NRXN3: variants seen among roughly 807,000 people sequenced by gnomAD.
NRXN3 encodes the protein neurexin 3.
Under a neutral mutation model 137.6 loss-of-function variants are expected in NRXN3, and 32 were observed. The ratio of observed to expected loss-of-function variants is 0.23; its 90% CI spans 0.18 to 0.31. The LOEUF (loss-of-function observed/expected upper bound fraction) is 0.31, where lower values mean the gene tolerates loss of function less well. Ranked by LOEUF, NRXN3 falls within the 10% of genes least tolerant of loss-of-function variation. The probability of loss-of-function intolerance (pLI) is 1.00; values close to 1 mark genes in which losing one functional copy is unlikely to be tolerated. For missense variants in NRXN3, 1,574 were observed against 2,062.5 expected (o/e 0.76, Z 4.59); for synonymous variants, 798 against 784.5 (o/e 1.02, Z -0.29).
intron 4 of NRXN3, among the ~76,000 whole-genome samples, chr14:78,594,239 G>T (rs1361527024): frequency 6.6e-6 from 1 of 152,218 alleles, no homozygotes; most frequent in African/African-American, 2.4e-5. Flanking sequence ...CGGCAAGCCT[G>T]AGTCTCCTGC....
intron 3 of NRXN3, among the ~76,000 whole-genome samples, chr14:78,280,812 C>A (rs2074306526): frequency 6.6e-6 from 1 of 152,196 alleles, no homozygotes; most frequent in South Asian, 2.1e-4. Context: ...CTGAGGAATA[C>A]CCTTCCTCAG....
At chr14:79,600,166 C>G (rs1351945300) in intron 16 of NRXN3, among the ~76,000 whole-genome samples, 1 of 152,182 alleles carries the variant, frequency 6.6e-6, no homozygotes, top group Non-Finnish European at 1.5e-5. Flanking sequence ...AGGCATCTGG[C>G]TCCAGGGTTC....
rs932691810 is a variant in NRXN3 at position 79,345,102 on chromosome 14, T to C, written c.3263-122119T>C. On this transcript the variant is annotated intron_variant, in intron 15 of 20. Coordinates refer to ENST00000335750, the MANE Select transcript of NRXN3 (RefSeq NM_001330195.2). ...GTTTAACTGCATTTTTTGTTTGTTT[T>C]ATTAAATTCTTTTTTTGGGTATTTG... 4.6e-5 allele frequency among the ~76,000 whole-genome samples: 7 copies of C among 152,170 alleles called. No individual in the cohort carries two copies. In the East Asian group the frequency reaches 9.6e-4, roughly 21 times the overall value.
chr14:79,131,173 C>G (rs2057409809), intron 15 of NRXN3, among the ~76,000 whole-genome samples: 1 of 152,220 alleles, frequency 6.6e-6, no homozygotes, highest in South Asian at 2.1e-4. Flanking sequence ...CTTCTTCTCT[C>G]AGCTCATCAA....
At chr14:79,056,213 A>T (rs1485815203) in intron 15 of NRXN3, among the ~76,000 whole-genome samples, 1 of 152,212 alleles carries the variant, frequency 6.6e-6, no homozygotes, top group Non-Finnish European at 1.5e-5. Context: ...CAGTTAAAAA[A>T]GTATTTGGAG....
chr14:78,815,318 A>G (rs1178740653), intron 10 of NRXN3, among the ~76,000 whole-genome samples: 2 of 152,144 alleles, frequency 1.3e-5, no homozygotes, highest in African/African-American at 2.4e-5. Context: ...TGTATTCCCT[A>G]TATAAGCTGA....
At chr14:79,737,204 C>T (rs377001518) in intron 19 of NRXN3, among the ~76,000 whole-genome samples, 3 of 152,102 alleles carry the variant, frequency 2.0e-5, no homozygotes, top group Non-Finnish European at 4.4e-5. Flanking sequence ...GGTGGGTCCC[C>T]GATTATTGGC....
At chr14:78,623,218 A>G (rs921590109) in intron 4 of NRXN3, among the ~76,000 whole-genome samples, 8 of 152,220 alleles carry the variant, frequency 5.3e-5, no homozygotes, top group Non-Finnish European at 8.8e-5. Flanking sequence ...CTCTCAGGCT[A>G]CAGAACTCAG....
chr14:79,255,908 A>G (rs1035765165), intron 15 of NRXN3, among the ~76,000 whole-genome samples: 3 of 152,108 alleles, frequency 2.0e-5, no homozygotes, highest in African/African-American at 7.2e-5. Flanking sequence ...CTCAGTTTTG[A>G]TCATTGGGAA....
intron 4 of NRXN3, among the ~76,000 whole-genome samples, chr14:78,574,158 A>G (rs1462664818): frequency 1.3e-5 from 2 of 152,264 alleles, no homozygotes; most frequent in Non-Finnish European, 2.9e-5. Context: ...CCTAGATTTT[A>G]GCAGATGTAT....
intron 16 of NRXN3, among the ~76,000 whole-genome samples, chr14:79,492,444 G>A (rs891011921): frequency 2.0e-5 from 3 of 151,974 alleles, no homozygotes; most frequent in South Asian, 2.1e-4. Flanking sequence ...GTGCAGTGGC[G>A]CCATCTCGCC....
intron 15 of NRXN3, among the ~76,000 whole-genome samples, chr14:79,138,316 G>A (rs2058453307): frequency 6.6e-6 from 1 of 152,110 alleles, no homozygotes; most frequent in Non-Finnish European, 1.5e-5. Flanking sequence ...ACCATGCCTG[G>A]CTAATGCCTT....
At chr14:79,216,566 A>C (rs539258504) in intron 15 of NRXN3, among the ~76,000 whole-genome samples, 23 of 152,326 alleles carry the variant, frequency 1.5e-4, no homozygotes, top group African/African-American at 4.8e-4. Flanking sequence ...AAAGTAAAAA[A>C]TAGTGTACCT....
At chr14:79,130,563 G>T (rs893207506) in intron 15 of NRXN3, among the ~76,000 whole-genome samples, 4 of 151,780 alleles carry the variant, frequency 2.6e-5, no homozygotes, top group African/African-American at 9.7e-5. Context: ...TAGTCTGATG[G>T]GCTTCCCTTT....
chr14:79,135,303 AC>A (rs2152978491), intron 15 of NRXN3, among the ~76,000 whole-genome samples: 1 of 152,228 alleles, frequency 6.6e-6, no homozygotes, highest in South Asian at 2.1e-4. Context: ...AAGTCATAGA[AC>A]CTCTCCCTTT....
intron 16 of NRXN3, among the ~76,000 whole-genome samples, chr14:79,473,843 C>T (rs944223931): frequency 6.8e-6 from 1 of 146,938 alleles, no homozygotes; most frequent in Non-Finnish European, 1.5e-5. Flanking sequence ...TGGGCATTGT[C>T]TCTCCAGCTT....
intron 10 of NRXN3, among the ~76,000 whole-genome samples, chr14:78,839,609 G>A (rs192936523): frequency 5.7e-4 from 87 of 152,238 alleles, no homozygotes; most frequent in South Asian, 2.9e-3. Flanking sequence ...ACTACTCTTC[G>A]AGTGAGATAA....
At chr14:79,571,512 T>G (rs2097601395) in intron 16 of NRXN3, among the ~76,000 whole-genome samples, 1 of 152,136 alleles carries the variant, frequency 6.6e-6, no homozygotes, top group African/African-American at 2.4e-5. Context: ...ACACACTGAC[T>G]GCCGGGGAGC....
intron 19 of NRXN3, among the ~76,000 whole-genome samples, chr14:79,698,357 A>G (rs2098742722): frequency 6.6e-6 from 1 of 152,014 alleles, no homozygotes; most frequent in Admixed American, 6.6e-5. Flanking sequence ...TATAACATGA[A>G]TCTTTCATTA....
Sources: gnomAD v4.1 joint callset for allele counts (sites outside exome capture counted in the v4.1 genomes callset) on GRCh38, gnomAD v4.1.1 for gene constraint, MANE v1.5 for transcripts, NCBI Gene and HGNC (gene_info 2026-07-23, HGNC 2026-07-21) for gene names.